Variants in DENND5B observed in about 807,000 individuals in gnomAD.
DENND5B encodes the protein DENN domain-containing protein 5B.
DENND5B carries 34 observed loss-of-function variants against 140.6 expected under a neutral mutation model. The ratio of observed to expected loss-of-function variants is 0.24; its 90% CI spans 0.18 to 0.32. The LOEUF is 0.32. Ranked by LOEUF, DENND5B falls within the 10% of genes least tolerant of loss-of-function variation. The pLI is 1.00. For missense variants in DENND5B, 1,142 were observed against 1,560.2 expected, an observed-to-expected ratio of 0.73 and a Z score of 4.52; for synonymous variants, 551 against 562.1, an observed-to-expected ratio of 0.98 and a Z score of 0.28.
At chr12:31,571,424 T>C (rs1949818207) in intron 1 of DENND5B, among the ~76,000 whole-genome samples, 1 of 152,182 alleles carries the variant, frequency 6.6e-6, no homozygotes, top group African/African-American at 2.4e-5. Context: ...AGCAACTGAG[T>C]GAGATTCAAA....
At chr12:31,511,658 C>T (rs1393185951) in intron 1 of DENND5B, among the ~76,000 whole-genome samples, 2 of 151,758 alleles carry the variant, frequency 1.3e-5, no homozygotes, top group Non-Finnish European at 2.9e-5. Flanking sequence ...TTATATCTTC[C>T]CCTTTATAAA....
At chr12:31,542,987 G>T (rs1948738395) in intron 1 of DENND5B, among the ~76,000 whole-genome samples, 1 of 152,046 alleles carries the variant, frequency 6.6e-6, no homozygotes, top group African/African-American at 2.4e-5. Flanking sequence ...AAAAAATGTT[G>T]TAGTGAGACA....
intron 1 of DENND5B, among the ~76,000 whole-genome samples, chr12:31,580,199 T>C (rs1267686): frequency 0.078 from 11,816 of 152,022 alleles, 1,044 homozygotes; most frequent in African/African-American, 0.22. Flanking sequence ...TTGGCACTAG[T>C]TTATAAATAA....
intron 14 of DENND5B, among the ~76,000 whole-genome samples, chr12:31,406,379 TAAAAG>T (rs926488424): frequency 5.3e-5 from 8 of 152,330 alleles, no homozygotes; most frequent in Admixed American, 3.3e-4. Context: ...TAATTTTACA[TAAAAG>T]ACTTTCTTTA....
intron 1 of DENND5B, among the ~76,000 whole-genome samples, chr12:31,550,860 T>C (rs1949031005): frequency 6.6e-6 from 1 of 152,214 alleles, no homozygotes; most frequent in Non-Finnish European, 1.5e-5. Flanking sequence ...TGCATAAATG[T>C]CTTCTTTTGA....
chr12:31,477,540 CA>C (rs1406758167), intron 3 of DENND5B: 1 of 152,852 alleles, frequency 6.5e-6, no homozygotes, highest in Non-Finnish European at 1.5e-5. Flanking sequence ...GCTCAAGAGG[CA>C]AAATGAACTA....
chr12:31,541,342 C>A (rs933062440), intron 1 of DENND5B, among the ~76,000 whole-genome samples: 1 of 152,096 alleles, frequency 6.6e-6, no homozygotes, highest in African/African-American at 2.4e-5. Flanking sequence ...TAAGGAAGCT[C>A]ATGCAACTCT....
At chr12:31,571,707 T>A (rs1309960310) in intron 1 of DENND5B, among the ~76,000 whole-genome samples, 1 of 152,080 alleles carries the variant, frequency 6.6e-6, no homozygotes, top group African/African-American at 2.4e-5. Context: ...AACCTCCACC[T>A]CTCGGGCTCA....
chr12:31,450,482 G>C (rs531810524), intron 5 of DENND5B, among the ~76,000 whole-genome samples: 1 of 152,160 alleles, frequency 6.6e-6, no homozygotes, highest in Admixed American at 6.5e-5. Context: ...TCAGCCTCCA[G>C]AGTCATTGGG....
chr12:31,539,633 A>T (rs985152210), intron 1 of DENND5B, among the ~76,000 whole-genome samples: 1 of 152,210 alleles, frequency 6.6e-6, no homozygotes, highest in Non-Finnish European at 1.5e-5. Flanking sequence ...CAAAAACCAT[A>T]TGATCATTTC....
chr12:31,461,026 A>G (rs1311697074), intron 3 of DENND5B, among the ~76,000 whole-genome samples: 1 of 152,084 alleles, frequency 6.6e-6, no homozygotes, highest in Non-Finnish European at 1.5e-5. Flanking sequence ...GCACCAGGCC[A>G]GTGTAACATT....
In DENND5B at chr12:31,476,327, T is replaced by TA. The variant is rs569250176; in HGVS notation, c.904+3261dup. Among the ~76,000 whole-genome samples the TA allele has an allele frequency of 2.9e-4, 44 of 151,642 alleles. 1 individual carries two copies. The South Asian group carries it at 9.2e-3, about 32-fold the overall frequency. On this transcript the variant is annotated intron_variant, in intron 3 of 20. Transcript: ENST00000389082. Reference sequence around the variant, plus strand: ...AGTAATATGTTGAACCTTCACAACTTAGAGATAAGTGTAATTTATAGAAGA... The same window carrying TA: ...AGTAATATGTTGAACCTTCACAACTTAAGAGATAAGTGTAATTTATAGAAGA...
chr12:31,435,821 C>T (rs1471699840), intron 7 of DENND5B, among the ~76,000 whole-genome samples: 4 of 151,992 alleles, frequency 2.6e-5, no homozygotes, highest in East Asian at 3.9e-4. Context: ...CCACCACACC[C>T]GGCTAATTTT....
intron 3 of DENND5B, among the ~76,000 whole-genome samples, chr12:31,467,319 G>A (rs1846940982): frequency 6.6e-6 from 1 of 151,990 alleles, no homozygotes; most frequent in South Asian, 2.1e-4. Flanking sequence ...AATAAAATGT[G>A]AATTTTCAAA....
Position 31,415,412 on chromosome 12 carries a change from C to T in DENND5B, c.2507G>A (p.Gly836Glu). 6.2e-7 allele frequency: 1 copy of T among 1,610,448 alleles called. No individual in the cohort carries two copies. The highest frequency in any genetic ancestry group is 1.7e-5 in the Admixed American group (1 of 59,724). ...LGPERRKSDS[G>E]VMLPTLRVSL... Reference sequence around the variant, plus strand: ...GACCCTGAGCGTTGGCAACATAACTCCTGAGTCAGATTTTCTTCTTTCTGG... The same window carrying T: ...GACCCTGAGCGTTGGCAACATAACTTCTGAGTCAGATTTTCTTCTTTCTGG... Residue 836 changes from glycine to glutamate, a missense_variant, in exon 12 of 21, where the codon GGA becomes GAA. Physicochemically the swap from Gly to Glu is moderately conservative, Grantham distance 98 (BLOSUM62 -2). Around this residue, in one of 5 missense-constraint regions of DENND5B, gnomAD observed 268 missense variants for 349.2 expected, o/e 0.77. Transcript: ENST00000389082.
At chr12:31,465,832 G>C (rs1314970557) in intron 3 of DENND5B, 1 of 152,422 alleles carries the variant, frequency 6.6e-6, no homozygotes, top group Non-Finnish European at 1.5e-5. Flanking sequence ...TGAAGTAAGA[G>C]CAAAGACTAA....
At chr12:31,409,507 T>G in intron 13 of DENND5B, 123 bp from the exon 14 acceptor site, 1 of 1,132,466 alleles carries the variant, frequency 8.8e-7, no homozygotes, top group Non-Finnish European at 1.1e-6. Flanking sequence ...AAACAGAGTT[T>G]CTCTCTTGTT....
chr12:31,460,128 C>T (rs1944948148), intron 4 of DENND5B, 66 bp downstream of exon 4: 1 of 1,462,892 alleles, frequency 6.8e-7, no homozygotes, highest in East Asian at 2.4e-5. Flanking sequence ...ACAATGCAAT[C>T]TAACGAAAGT....
intron 3 of DENND5B, among the ~76,000 whole-genome samples, chr12:31,471,461 A>ATTTTTTTTTTTTTTTTTTTTTT (rs747862984): frequency 8.9e-6 from 1 of 111,934 alleles, no homozygotes; most frequent in Non-Finnish European, 1.7e-5. Context: ...CCATGCCTGT[A>ATTTTTTTTTTTTTTTTTTTTTT]TTTTTTTTTT....
Sources: allele counts gnomAD v4.1 joint callset (sites outside exome capture counted in the v4.1 genomes callset), GRCh38; gene constraint gnomAD v4.1.1; regional missense constraint gnomAD v4.1.1; transcripts MANE v1.5; gene names NCBI Gene and HGNC (gene_info 2026-07-23, HGNC 2026-07-21).